DNAH11: variants seen among roughly 807,000 people sequenced by gnomAD.
DNAH11 encodes dynein axonemal heavy chain 11.
A neutral mutation model predicts 526.0 loss-of-function variants in DNAH11; 442 were observed. The ratio of observed to expected loss-of-function variants is 0.84; its 90% CI spans 0.78 to 0.91. The LOEUF (loss-of-function observed/expected upper bound fraction) is 0.91. DNAH11 is among the 40% of genes least tolerant of loss of function. The pLI is 0.00. For missense variants in DNAH11, 6,989 were observed against 5,448.7 expected (o/e 1.28, Z -8.90); for synonymous variants, 2,461 against 1,935.9 (o/e 1.27, Z -7.12).
intron 2 of DNAH11, among the ~76,000 whole-genome samples, chr7:21,556,402 ATAACTT>A (rs1321666369): frequency 2.0e-5 from 3 of 152,230 alleles, no homozygotes; most frequent in East Asian, 1.9e-4. Flanking sequence ...GAAATGTTGA[ATAACTT>A]TAATTTTCTT....
intron 75 of DNAH11, among the ~76,000 whole-genome samples, chr7:21,884,048 G>GAA (rs113981597): frequency 6.6e-6 from 1 of 151,850 alleles, no homozygotes; most frequent in Non-Finnish European, 1.5e-5. Context: ...ATCTCTTAAA[G>GAA]AAAAAAAATC....
At chr7:21,623,406 G>A (rs2128455583) in intron 25 of DNAH11, among the ~76,000 whole-genome samples, 1 of 152,342 alleles carries the variant, frequency 6.6e-6, no homozygotes, top group African/African-American at 2.4e-5. Context: ...AGTCAGTGTG[G>A]CAATTCCTCA....
chr7:21,669,326 C>T (rs528108466), intron 30 of DNAH11, among the ~76,000 whole-genome samples: 2 of 152,114 alleles, frequency 1.3e-5, no homozygotes, highest in Admixed American at 6.5e-5. Flanking sequence ...CAAGCACCAC[C>T]GTGCTCAGTT....
chr7:21,893,979 C>G (rs766501605), intron 77 of DNAH11, among the ~76,000 whole-genome samples: 27 of 152,342 alleles, frequency 1.8e-4, no homozygotes, highest in Non-Finnish European at 3.7e-4. Context: ...ACCTCTAACT[C>G]TCGGATTCAA....
chr7:21,816,280 G>A (rs1789787704), intron 63 of DNAH11, among the ~76,000 whole-genome samples, 187 bp from the exon 64 acceptor site: 4 of 152,184 alleles, frequency 2.6e-5, no homozygotes, highest in African/African-American at 9.7e-5. Context: ...ATTCTGAGAT[G>A]TAAATACTGG....
At chr7:21,783,799 T>C (rs949183431) in intron 57 of DNAH11, among the ~76,000 whole-genome samples, 1 of 152,206 alleles carries the variant, frequency 6.6e-6, no homozygotes, top group Admixed American at 6.5e-5. Context: ...ATCAGTGTTA[T>C]TGTTCCAATA....
At chr7:21,792,431 G>T (rs1554281762) in intron 61 of DNAH11, among the ~76,000 whole-genome samples, 1 of 152,168 alleles carries the variant, frequency 6.6e-6, no homozygotes, top group Non-Finnish European at 1.5e-5. Context: ...AATGAGTGTG[G>T]AAGTATTCCC....
rs1213707481 is a variant in DNAH11, at chr7:21,892,509, A to C, written c.12592A>C (p.Met4198Leu). The change falls in exon 77 of 82, where the codon ATG becomes CTG. Residue 4198 changes from methionine (M) to leucine (L), a missense_variant. Transcript: ENST00000409508. ...AGGCTACCACCAGTACATAGAGGAG[A>C]TGCTTCCTCCAGAAAGCCCGGCACT... Reference protein sequence around the residue: ...YAGYHQYIEEMLPPESPALYG... With the variant: ...YAGYHQYIEELLPPESPALYG... The C allele has an allele frequency of 1.9e-6, 3 of 1,613,924 alleles. No homozygotes were observed. The highest frequency in any genetic ancestry group is 4.5e-5 in the East Asian group (2 of 44,864).
chr7:21,702,976 C>G (rs775805292), intron 37 of DNAH11, among the ~76,000 whole-genome samples, 174 bp downstream of exon 37: 1 of 152,100 alleles, frequency 6.6e-6, no homozygotes. Flanking sequence ...CACAAGTGGT[C>G]TTGAGTACAA....
Position 21,660,939 on chromosome 7 carries a change from A to G in DNAH11, c.5328+1908A>G, listed in dbSNP as rs566131194. On this transcript the variant is annotated intron_variant, in intron 30 of 81. Coordinates refer to ENST00000409508, the MANE Select transcript of DNAH11 (RefSeq NM_001277115.2). ...AAAAGTGACTGAATATTATTTCTTTATATGGATATACCAGAATTTATTTTC... is the reference window on the plus strand; with the variant it reads ...AAAAGTGACTGAATATTATTTCTTTGTATGGATATACCAGAATTTATTTTC... Among the ~76,000 whole-genome samples the G allele has an allele frequency of 3.3e-5, 5 of 152,192 alleles. No homozygotes were observed. In the East Asian group the frequency reaches 9.6e-4, roughly 29 times the overall value.
chr7:21,789,831 T>TCTTG (rs1788387581), intron 61 of DNAH11, among the ~76,000 whole-genome samples: 1 of 143,932 alleles, frequency 6.9e-6, no homozygotes, highest in South Asian at 2.2e-4. Flanking sequence ...TTTCTTTCTT[T>TCTTG]CTTTCTTTCT....
Position 21,622,155 on chromosome 7 carries a change from A to C in DNAH11, c.4500+2077A>C, listed in dbSNP as rs186760206. ...ACAAAATCAACGTACAAAAATCACA[A>C]GCATTCTTATACACCAATAACAGAC... On this transcript the variant is annotated intron_variant, in intron 25 of 81. Transcript: ENST00000409508. Among the ~76,000 whole-genome samples the C allele has an allele frequency of 2.2e-3, 333 of 152,290 alleles. 1 individual carries two copies. Among genetic ancestry groups the C allele is most frequent in the African/African-American group, 6.9e-3 (286 of 41,560 alleles).
rs371453443 is a variant in DNAH11, at chr7:21,744,506, A to G, written c.8223A>G (p.Glu2741=). 18 of 1,613,802 alleles carry G rather than the reference A, an allele frequency of 1.1e-5. No individual in the cohort carries two copies. The highest frequency in any genetic ancestry group is 2.2e-5 in the South Asian group (2 of 91,078). The change falls in exon 50 of 82, where the codon GAA becomes GAG. Residue 2741 remains glutamate, a synonymous_variant. Transcript: ENST00000409508. ...PLDLIHLWLH[E]SARVYGDKLI... is the part of the protein sequence containing the mutation. Reference sequence around the variant, plus strand: ...ATTTAATACATCTGTGGCTTCATGAATCTGCCCGTGTTTATGGAGACAAAC... The same window carrying G: ...ATTTAATACATCTGTGGCTTCATGAGTCTGCCCGTGTTTATGGAGACAAAC...
At chr7:21,623,706 A>G (rs1160916111) in intron 25 of DNAH11, among the ~76,000 whole-genome samples, 1 of 152,042 alleles carries the variant, frequency 6.6e-6, no homozygotes, top group East Asian at 1.9e-4. Flanking sequence ...TCAGTAAACT[A>G]TCACAAGAAG....
intron 37 of DNAH11, among the ~76,000 whole-genome samples, chr7:21,703,066 C>G (rs1367886339): frequency 1.3e-5 from 2 of 152,154 alleles, no homozygotes; most frequent in African/African-American, 4.8e-5. Flanking sequence ...CAGTCATAAT[C>G]AAATAATTCA....
At chr7:21,742,564 A>G (rs1265139605) in intron 49 of DNAH11, among the ~76,000 whole-genome samples, 1 of 151,686 alleles carries the variant, frequency 6.6e-6, no homozygotes, top group African/African-American at 2.4e-5. Context: ...TGATCCAGTC[A>G]CCTCCCACCA....
At chr7:21,792,410 A>T (rs28794536) in intron 61 of DNAH11, among the ~76,000 whole-genome samples, 20,684 of 152,192 alleles carry the variant, frequency 0.14, 2,070 homozygotes, top group East Asian at 0.29. Flanking sequence ...CAGGTAATGC[A>T]GGTCTCATCA....
intron 74 of DNAH11, among the ~76,000 whole-genome samples, chr7:21,876,139 A>T (rs1182325381): frequency 6.6e-6 from 1 of 152,022 alleles, no homozygotes; most frequent in Non-Finnish European, 1.5e-5. Flanking sequence ...CCGCCTCGGC[A>T]TCCGAAGTGC....
At chr7:21,621,680 A>G (rs1375891544) in intron 25 of DNAH11, among the ~76,000 whole-genome samples, 1 of 151,824 alleles carries the variant, frequency 6.6e-6, no homozygotes. Context: ...ACACAAATCA[A>G]TAAATGTAAT....
Sources: gnomAD v4.1 joint callset for allele counts (sites outside exome capture counted in the v4.1 genomes callset) on GRCh38, gnomAD v4.1.1 for gene constraint, MANE v1.5 for transcripts, NCBI Gene and HGNC (gene_info 2026-07-23, HGNC 2026-07-21) for gene names.